The following NKAIN3 variants were observed in gnomAD, a reference collection of about 807,000 sequenced individuals.
NKAIN3 encodes sodium/potassium-transporting ATPase subunit beta-1-interacting protein 3.
In NKAIN3, 25 loss-of-function variants were observed where a neutral mutation model predicts 30.2. The ratio of observed to expected loss-of-function variants is 0.83; its 90% confidence interval spans 0.60 to 1.16. The LOEUF is 1.16. Ranked by LOEUF, NKAIN3 falls within the 50% of genes most tolerant of loss-of-function variation. The pLI is 0.00. For synonymous variants in NKAIN3, 91 were observed against 89.6 expected, an observed-to-expected ratio of 1.02 and a Z score of -0.09; for missense variants, 225 against 254.1, an observed-to-expected ratio of 0.89 and a Z score of 0.78.
chr8:62,717,300 C>T (rs562388205), intron 3 of NKAIN3, among the ~76,000 whole-genome samples: 42 of 152,244 alleles, frequency 2.8e-4, no homozygotes, highest in Non-Finnish European at 1.5e-4. Flanking sequence ...TATTTTCCTA[C>T]AAGTATCAGG....
In NKAIN3 at chr8:62,976,225, G is replaced by C. The variant is rs779951729; in HGVS notation, c.*10818G>C. On this transcript the variant is annotated 3_prime_UTR_variant, in exon 7 of 7. Transcript: ENST00000623646. ...CTGCTTGGTCAAGAGGTGAGTTCAA[G>C]TCCTGAATATCCTTGTTAATTTTCT... Among the ~76,000 whole-genome samples the C allele has an allele frequency of 1.3e-5, 2 of 151,864 alleles. No homozygotes were observed. Among genetic ancestry groups the C allele is most frequent in the Non-Finnish European group, 2.9e-5 (2 of 67,954 alleles).
intron 1 of NKAIN3, among the ~76,000 whole-genome samples, chr8:62,383,128 G>A (rs1363855852): frequency 6.6e-6 from 1 of 151,998 alleles, no homozygotes; most frequent in Admixed American, 6.6e-5. Flanking sequence ...GAACTCAAAG[G>A]GTTTTGGGCA....
intron 1 of NKAIN3, among the ~76,000 whole-genome samples, chr8:62,264,107 A>G (rs1418799979): frequency 1.3e-5 from 2 of 152,238 alleles, no homozygotes; most frequent in Non-Finnish European, 2.9e-5. Flanking sequence ...TCGAAACTAT[A>G]CAGTCAAACT....
At chr8:62,721,726 C>T (rs1201482805) in intron 3 of NKAIN3, among the ~76,000 whole-genome samples, 1 of 152,128 alleles carries the variant, frequency 6.6e-6, no homozygotes, top group African/African-American at 2.4e-5. Flanking sequence ...TTATAATGAT[C>T]TCTATGTGGG....
At chr8:62,624,558 A>T (rs1015774726) in intron 3 of NKAIN3, among the ~76,000 whole-genome samples, 1 of 150,664 alleles carries the variant, frequency 6.6e-6, no homozygotes, top group African/African-American at 2.4e-5. Context: ...TTTGAATATG[A>T]TATAACCAGT....
chr8:62,600,095 T>G (rs1185658733), intron 3 of NKAIN3, among the ~76,000 whole-genome samples: 2 of 152,130 alleles, frequency 1.3e-5, no homozygotes, highest in African/African-American at 4.8e-5. Flanking sequence ...TATTTTACAT[T>G]TAAAATAATT....
intron 1 of NKAIN3, among the ~76,000 whole-genome samples, chr8:62,251,549 C>G (rs1812103853): frequency 6.6e-6 from 1 of 152,122 alleles, no homozygotes; most frequent in Admixed American, 6.5e-5. Flanking sequence ...AATATTCGAA[C>G]TTTACTTCAT....
chr8:62,665,858 T>C (rs1406964044), intron 3 of NKAIN3, among the ~76,000 whole-genome samples: 1 of 152,166 alleles, frequency 6.6e-6, no homozygotes, highest in East Asian at 1.9e-4. Context: ...AGCTGGAAGC[T>C]AGTCTTTCAA....
intron 3 of NKAIN3, among the ~76,000 whole-genome samples, chr8:62,735,383 T>TTC: frequency 8.8e-5 from 1 of 11,302 alleles, no homozygotes; most frequent in African/African-American, 1.3e-4. Context: ...TCTTTCTTTT[T>TTC]TTTTTTTTTT....
chr8:62,540,255 T>C (rs2129885133), intron 1 of NKAIN3, among the ~76,000 whole-genome samples: 1 of 152,296 alleles, frequency 6.6e-6, no homozygotes, highest in East Asian at 1.9e-4. Context: ...TTTTTTAGCT[T>C]TATACAATTC....
intron 1 of NKAIN3, among the ~76,000 whole-genome samples, chr8:62,525,993 G>A (rs559762176): frequency 8.5e-5 from 13 of 152,202 alleles, no homozygotes; most frequent in Middle Eastern, 3.4e-3. Flanking sequence ...TTTAGTGCTC[G>A]TATTTTTGGG....
intron 3 of NKAIN3, among the ~76,000 whole-genome samples, chr8:62,630,149 T>C (rs1362577934): frequency 6.6e-6 from 1 of 152,136 alleles, no homozygotes; most frequent in Non-Finnish European, 1.5e-5. Flanking sequence ...ATCATAGGTA[T>C]GTGTGTGTAG....
chr8:62,559,832 T>G (rs768612109), intron 1 of NKAIN3, among the ~76,000 whole-genome samples: 34 of 152,234 alleles, frequency 2.2e-4, no homozygotes, highest in Admixed American at 7.2e-4. Context: ...GAAAACCTAC[T>G]GTATTTACCC....
intron 3 of NKAIN3, among the ~76,000 whole-genome samples, chr8:62,600,446 C>A (rs1426048169): frequency 6.6e-6 from 1 of 151,990 alleles, no homozygotes; most frequent in African/African-American, 2.4e-5. Context: ...TCCATTTTAA[C>A]CCTACCTCAG....
In NKAIN3 at chr8:62,911,375, AAT is replaced by A. The variant is rs201891823; in HGVS notation, c.472-7076_472-7075del. On this transcript the variant is annotated intron_variant, in intron 4 of 6. Coordinates refer to ENST00000623646, the MANE Select transcript of NKAIN3 (RefSeq NM_001304533.3). ...TTTGTTGTGGAGGAATAATCATTGG[AAT>A]ACAAAAACTATCAAGCAACTATGGG... Among the ~76,000 whole-genome samples the A allele has an allele frequency of 9.6e-3, 1,469 of 152,304 alleles. 14 individuals are homozygous for A. The highest frequency in any genetic ancestry group is 0.045 in the South Asian group (216 of 4,828).
intron 4 of NKAIN3, among the ~76,000 whole-genome samples, chr8:62,818,592 C>A (rs1431921155): frequency 1.3e-5 from 2 of 151,852 alleles, no homozygotes; most frequent in African/African-American, 4.8e-5. Flanking sequence ...TTTTGAAGCA[C>A]CAATTATGTG....
intron 1 of NKAIN3, among the ~76,000 whole-genome samples, chr8:62,251,838 C>T (rs761874379): frequency 2.0e-5 from 3 of 151,998 alleles, no homozygotes. Context: ...ATAGCATTTC[C>T]GTCATATACA....
chr8:62,930,414 C>T lies in NKAIN3; in HGVS notation c.532+11901C>T, dbSNP rs565693439. 9.2e-5 allele frequency among the ~76,000 whole-genome samples: 14 copies of T among 151,446 alleles called. No individual in the cohort carries two copies. In the East Asian group the frequency reaches 1.6e-3, roughly 17 times the overall value. ...GATTACAGGCGCCTGACACCATGCC[C>T]GGCTAATTTTTGTATTTTTAGTAGA... On this transcript the variant is annotated intron_variant, in intron 5 of 6. Transcript: ENST00000623646.
chr8:62,410,265 C>T (rs2129595818), intron 1 of NKAIN3, among the ~76,000 whole-genome samples: 1 of 152,330 alleles, frequency 6.6e-6, no homozygotes, highest in East Asian at 1.9e-4. Context: ...CAGTGCCACA[C>T]ATGCTGCTGC....
Sources: gnomAD v4.1 joint callset for allele counts (sites outside exome capture counted in the v4.1 genomes callset) on GRCh38, gnomAD v4.1.1 for gene constraint, MANE v1.5 for transcripts, NCBI Gene and HGNC (gene_info 2026-07-23, HGNC 2026-07-21) for gene names.